The following PARD3B variants were observed in gnomAD, a reference collection of about 807,000 sequenced individuals.
PARD3B encodes the protein par-3 family cell polarity regulator beta.
A neutral mutation model predicts 130.2 loss-of-function variants in PARD3B; 103 were observed. That is an observed-to-expected ratio of 0.79 (90% CI 0.67 to 0.93). PARD3B has a LOEUF of 0.93. Among genes scored for constraint, PARD3B ranks in the 40% least tolerant of loss-of-function variants. PARD3B has a pLI of 0.00. For missense variants in PARD3B, 1,609 were observed against 1,499.2 expected (o/e 1.07, Z -1.21); for synonymous variants, 583 against 553.2 (o/e 1.05, Z -0.76).
intron 20 of PARD3B, among the ~76,000 whole-genome samples, chr2:205,498,606 T>C (rs2050034366): frequency 6.6e-6 from 1 of 152,216 alleles, no homozygotes; most frequent in Non-Finnish European, 1.5e-5. Context: ...GGTATGTGTG[T>C]AAGGCAGGAC....
At chr2:205,614,372 T>C (rs535138024) in intron 22 of PARD3B, among the ~76,000 whole-genome samples, 1 of 152,300 alleles carries the variant, frequency 6.6e-6, no homozygotes, top group East Asian at 1.9e-4. Context: ...TGGTGCTACT[T>C]CCTGGCTTTG....
intron 4 of PARD3B, among the ~76,000 whole-genome samples, chr2:205,076,129 G>C (rs1701045914): frequency 1.3e-5 from 2 of 152,074 alleles, no homozygotes; most frequent in African/African-American, 4.8e-5. Flanking sequence ...TAATTGCTTT[G>C]TAAAGTTCTG....
intron 1 of PARD3B, among the ~76,000 whole-genome samples, chr2:204,616,139 A>G (rs2034104148): frequency 6.6e-6 from 1 of 152,192 alleles, no homozygotes; most frequent in Non-Finnish European, 1.5e-5. Context: ...TCATAAAACT[A>G]AGAATTTCTG....
intron 2 of PARD3B, among the ~76,000 whole-genome samples, chr2:204,903,242 C>T (rs948414406): frequency 6.6e-6 from 1 of 152,130 alleles, no homozygotes; most frequent in African/African-American, 2.4e-5. Context: ...TTTTGAATTT[C>T]AAACCAATTA....
intron 2 of PARD3B, among the ~76,000 whole-genome samples, chr2:204,712,919 T>C (rs561096710): frequency 6.6e-6 from 1 of 152,266 alleles, no homozygotes; most frequent in Non-Finnish European, 1.5e-5. Context: ...TTTTATATGG[T>C]TTAGGCCCCT....
chr2:204,605,633 G>A (rs1177588977), intron 1 of PARD3B, among the ~76,000 whole-genome samples: 6 of 152,114 alleles, frequency 3.9e-5, no homozygotes, highest in Non-Finnish European at 8.8e-5. Context: ...GAACTCTAGA[G>A]TGAGACTCTC....
In PARD3B at chr2:205,300,564, T is replaced by C. The variant is rs771184422; in HGVS notation, c.2220T>C (p.Gly740=). The C allele has an allele frequency of 3.1e-6, 5 of 1,613,692 alleles. No homozygotes were observed. In the Admixed American group the frequency reaches 8.3e-5, roughly 27 times the overall value. ...GCAAAGATTTTGGTCCAACTCTGGG[T>C]TTGAAAAAGTCCAGCTCCTTGGAGA... is the stretch of plus-strand genomic sequence containing the variant. ...SPSKDFGPTL[G]LKKSSSLESL... is the part of the protein sequence containing the mutation. Residue 740 remains glycine (G), a synonymous_variant, in exon 17 of 23, where the codon GGT becomes GGC. Transcript: ENST00000406610. This position sits in a 1 kb window ranked among gnomAD's most constrained non-coding sequence, Gnocchi z 4.1.
At chr2:205,343,903 A>G (rs527877766) in intron 18 of PARD3B, among the ~76,000 whole-genome samples, 5 of 152,258 alleles carry the variant, frequency 3.3e-5, no homozygotes, top group Admixed American at 3.3e-4. Context: ...ATGTTTTAAT[A>G]TACTATGTAC....
At chr2:205,576,456 T>G (rs1044189666) in intron 22 of PARD3B, among the ~76,000 whole-genome samples, 3 of 152,190 alleles carry the variant, frequency 2.0e-5, no homozygotes, top group Non-Finnish European at 4.4e-5. Context: ...GTGAGTCATT[T>G]TGAGTTAATT....
intron 18 of PARD3B, among the ~76,000 whole-genome samples, chr2:205,338,085 G>A (rs1215433930): frequency 1.7e-4 from 24 of 143,948 alleles, no homozygotes; most frequent in East Asian, 6.2e-4. Context: ...CTCAGGAGGC[G>A]AAGGTTGCAG....
chr2:205,607,140 T>C (rs1291169109), intron 22 of PARD3B, among the ~76,000 whole-genome samples: 1 of 152,122 alleles, frequency 6.6e-6, no homozygotes, highest in East Asian at 1.9e-4. Flanking sequence ...TCAAGGTCTC[T>C]GAATGAAACT....
intron 1 of PARD3B, among the ~76,000 whole-genome samples, chr2:204,567,333 C>T (rs1054383986): frequency 1.5e-4 from 23 of 152,030 alleles, no homozygotes; most frequent in Admixed American, 1.5e-3. Flanking sequence ...GTTCATCTTC[C>T]CAAACTGAAA....
At chr2:204,851,289 T>C (rs973073034) in intron 2 of PARD3B, among the ~76,000 whole-genome samples, 1 of 152,200 alleles carries the variant, frequency 6.6e-6, no homozygotes, top group African/African-American at 2.4e-5. Flanking sequence ...GTGAGTTTGC[T>C]ATTTGTAAGC....
At chr2:204,573,435 C>T (rs982996729) in intron 1 of PARD3B, among the ~76,000 whole-genome samples, 2 of 152,144 alleles carry the variant, frequency 1.3e-5, no homozygotes, top group African/African-American at 4.8e-5. Flanking sequence ...CTGTCATTCT[C>T]TCCTGACTTA....
chr2:204,760,010 G>A (rs1339089310), intron 2 of PARD3B, among the ~76,000 whole-genome samples: 2 of 152,026 alleles, frequency 1.3e-5, no homozygotes, highest in African/African-American at 2.4e-5. Flanking sequence ...TTGTTAATCA[G>A]TAACAAATAT....
chr2:204,736,833 A>C (rs1465935761), intron 2 of PARD3B, among the ~76,000 whole-genome samples: 1 of 152,180 alleles, frequency 6.6e-6, no homozygotes, highest in African/African-American at 2.4e-5. Context: ...ATCTACTTTT[A>C]TCTCTTTAAG....
chr2:205,257,572 G>A (rs1439211014), intron 16 of PARD3B, among the ~76,000 whole-genome samples: 5 of 151,962 alleles, frequency 3.3e-5, no homozygotes, highest in Admixed American at 6.6e-5. Context: ...TGGTTTATAT[G>A]GGCAAACATT....
intron 3 of PARD3B, among the ~76,000 whole-genome samples, chr2:205,038,224 G>A (rs181337525): frequency 2.4e-4 from 37 of 152,206 alleles, no homozygotes; most frequent in East Asian, 9.7e-4. Flanking sequence ...GGAGGTTGAC[G>A]CACACATAAT....
At chr2:204,696,827 T>A (rs1034664489) in intron 2 of PARD3B, among the ~76,000 whole-genome samples, 5 of 152,136 alleles carry the variant, frequency 3.3e-5, no homozygotes, top group Non-Finnish European at 7.4e-5. Flanking sequence ...TTCGATGTTA[T>A]GAATCAGTTT....
Sources: allele counts gnomAD v4.1 joint callset (sites outside exome capture counted in the v4.1 genomes callset), GRCh38; gene constraint gnomAD v4.1.1; non-coding constraint Gnocchi (gnomAD v3.1); transcripts MANE v1.5; gene names NCBI Gene and HGNC (gene_info 2026-07-23, HGNC 2026-07-21).